The following DEPDC1B variants were observed in gnomAD, a reference collection of about 807,000 sequenced individuals.
The protein encoded by DEPDC1B is DEP domain-containing protein 1B.
A neutral mutation model predicts 66.5 loss-of-function variants in DEPDC1B; 51 were observed. The ratio of observed to expected loss-of-function variants is 0.77; its 90% CI spans 0.61 to 0.97. The LOEUF (loss-of-function observed/expected upper bound fraction) is 0.97, where lower values mean the gene tolerates loss of function less well. DEPDC1B is among the 50% of genes least tolerant of loss of function. The pLI is 0.00. For missense variants in DEPDC1B, 552 were observed against 637.1 expected, an observed-to-expected ratio of 0.87 and a Z score of 1.44; for synonymous variants, 226 against 223.6, an observed-to-expected ratio of 1.01 and a Z score of -0.10.
intron 2 of DEPDC1B, among the ~76,000 whole-genome samples, chr5:60,648,873 A>C (rs1175668158): frequency 2.6e-5 from 4 of 152,228 alleles, no homozygotes; most frequent in African/African-American, 9.6e-5. Context: ...GGTGGCTTAT[A>C]AAAGTCCAAT....
intron 9 of DEPDC1B, among the ~76,000 whole-genome samples, chr5:60,601,641 A>G (rs1241815547): frequency 2.0e-5 from 3 of 152,186 alleles, no homozygotes; most frequent in African/African-American, 7.2e-5. Context: ...AAAACAATCT[A>G]AATACCAACC....
chr5:60,645,582 A>G lies in DEPDC1B; in HGVS notation c.488T>C (p.Ile163Thr), dbSNP rs374925124. Residue 163 changes from isoleucine (I) to threonine (T), a missense_variant, in exon 4 of 11, where the codon ATT (isoleucine) becomes ACT (threonine). Physicochemically the swap from Ile to Thr is moderately conservative, Grantham distance 89. Coordinates refer to ENST00000265036, the MANE Select transcript of DEPDC1B (RefSeq NM_018369.3). Reference protein sequence around the residue: ...EMWYKRHSIAIGEVPACRLVH... With the variant: ...EMWYKRHSIATGEVPACRLVH... ...AAGACGGCAAGCTGGCACCTCTCCA[A>G]TTGCAATACTGTGACGCTTGTACCA... 9 of 1,613,130 alleles carry G rather than the reference A, an allele frequency of 5.6e-6. No homozygotes were observed. Among genetic ancestry groups the G allele is most frequent in the Middle Eastern group, 3.3e-4 (2 of 6,050 alleles).
rs565753304 is a variant in DEPDC1B, at chr5:60,613,435, G to A, written c.899-7579C>T. On this transcript the variant is annotated intron_variant, in intron 7 of 10. Transcript: ENST00000265036. ...AAAGAGCATAAAATGTTCTAGGACT[G>A]TGCTAAGATCTGAGAATCCCAAAAC... 1.9e-4 allele frequency among the ~76,000 whole-genome samples: 29 copies of A among 152,304 alleles called. No individual in the cohort carries two copies. In the South Asian group the frequency reaches 4.3e-3, roughly 23 times the overall value.
chr5:60,699,359 C>G (rs1406962483), intron 1 of DEPDC1B, among the ~76,000 whole-genome samples: 1 of 38,940 alleles, frequency 2.6e-5, no homozygotes, highest in Non-Finnish European at 5.9e-5. Flanking sequence ...TAAAAACTTG[C>G]CACAGACATT....
At chr5:60,598,829 T>C (rs1752146088) in intron 10 of DEPDC1B, among the ~76,000 whole-genome samples, 1 of 152,074 alleles carries the variant, frequency 6.6e-6, no homozygotes. Flanking sequence ...AAAGGACAAA[T>C]ATTAGAGAAT....
At chr5:60,608,436 A>ATATAT (rs367860548) in intron 7 of DEPDC1B, among the ~76,000 whole-genome samples, 16 of 148,500 alleles carry the variant, frequency 1.1e-4, no homozygotes, top group South Asian at 6.3e-4. Context: ...TCAATAGACT[A>ATATAT]TATATTATAT....
chr5:60,645,517 T>C lies in DEPDC1B; in HGVS notation c.553A>G (p.Ile185Val), dbSNP rs1439874096. 3 of 1,611,460 alleles carry C rather than the reference T, an allele frequency of 1.9e-6. No individual in the cohort carries two copies. The highest frequency in any genetic ancestry group is 2.5e-6 in the Non-Finnish European group (3 of 1,178,928). Residue 185 changes from isoleucine to valine, a missense_variant, in exon 4 of 11, where the codon ATA (isoleucine) becomes GTA (valine). By Grantham distance (29) the Ile-to-Val change is conservative (BLOSUM62 3). Coordinates refer to ENST00000265036, the MANE Select transcript of DEPDC1B (RefSeq NM_018369.3). ...TATGATAATGTCATAGACTTCCATA[T>C]CTCTTCTACATTGGCCTCTGTCAGC... is the stretch of plus-strand genomic sequence containing the variant. Reference protein sequence around the residue: ...RQLTEANVEEIWKSMTLSYLQ... With the variant: ...RQLTEANVEEVWKSMTLSYLQ...
chr5:60,664,147 T>C (rs1292628957), intron 2 of DEPDC1B, among the ~76,000 whole-genome samples: 2 of 152,224 alleles, frequency 1.3e-5, no homozygotes, highest in Non-Finnish European at 2.9e-5. Context: ...AGTGTTAAGC[T>C]TGCCAACGGG....
chr5:60,622,201 C>G (rs565833620), intron 7 of DEPDC1B, among the ~76,000 whole-genome samples: 21 of 152,222 alleles, frequency 1.4e-4, no homozygotes, highest in East Asian at 3.9e-4. Context: ...TTCCGCCCCC[C>G]CAAAGAATCT....
intron 7 of DEPDC1B, among the ~76,000 whole-genome samples, chr5:60,637,128 G>T (rs529519908): frequency 5.9e-5 from 9 of 152,088 alleles, no homozygotes; most frequent in Non-Finnish European, 1.3e-4. Context: ...CTCTTATTTT[G>T]CCAGTGGCAT....
At chr5:60,602,841 G>T (rs1379633706) in intron 9 of DEPDC1B, among the ~76,000 whole-genome samples, 3 of 152,182 alleles carry the variant, frequency 2.0e-5, no homozygotes. Context: ...ACGACAGAAA[G>T]GATACAGCTA....
intron 7 of DEPDC1B, among the ~76,000 whole-genome samples, chr5:60,618,888 A>G (rs1415648009): frequency 6.6e-6 from 1 of 152,236 alleles, no homozygotes; most frequent in Admixed American, 6.5e-5. Flanking sequence ...ACAAATCCTC[A>G]ATAAAGTACT....
At chr5:60,608,343 G>A (rs1215325858) in intron 7 of DEPDC1B, among the ~76,000 whole-genome samples, 1 of 151,720 alleles carries the variant, frequency 6.6e-6, no homozygotes, top group Admixed American at 6.6e-5. Context: ...CAAGCTAACC[G>A]AAAGCATAAT....
intron 7 of DEPDC1B, among the ~76,000 whole-genome samples, chr5:60,609,288 C>T (rs1752370397): frequency 6.6e-6 from 1 of 152,146 alleles, no homozygotes; most frequent in Non-Finnish European, 1.5e-5. Flanking sequence ...CAGGGCCTCC[C>T]TTTTCCTCCC....
chr5:60,637,551 C>G (rs1233897429), intron 7 of DEPDC1B, among the ~76,000 whole-genome samples: 1 of 152,186 alleles, frequency 6.6e-6, no homozygotes, highest in Non-Finnish European at 1.5e-5. Context: ...AATGCAATTC[C>G]TAATACAGTT....
At chr5:60,661,746 C>G (rs1753720724) in intron 2 of DEPDC1B, among the ~76,000 whole-genome samples, 1 of 152,162 alleles carries the variant, frequency 6.6e-6, no homozygotes, top group African/African-American at 2.4e-5. Context: ...TCTGGTATCT[C>G]AGTCAGGTCA....
intron 7 of DEPDC1B, among the ~76,000 whole-genome samples, chr5:60,611,811 CTG>C (rs1752419042): frequency 6.6e-6 from 1 of 152,182 alleles, no homozygotes; most frequent in Admixed American, 6.5e-5. Flanking sequence ...AGGAAAGAGG[CTG>C]TCTTCATAAC....
intron 7 of DEPDC1B, among the ~76,000 whole-genome samples, chr5:60,616,592 GAATA>G (rs1325719368): frequency 6.6e-6 from 1 of 152,106 alleles, no homozygotes; most frequent in East Asian, 1.9e-4. Flanking sequence ...ACAGAAAAAA[GAATA>G]AAAAGAAACG....
chr5:60,692,171 CAGA>C (rs1159196611), intron 1 of DEPDC1B, among the ~76,000 whole-genome samples: 3 of 152,020 alleles, frequency 2.0e-5, no homozygotes, highest in African/African-American at 7.2e-5. Context: ...TGGTGGTAAC[CAGA>C]GGCTGAGGGG....
Sources: gnomAD v4.1 joint callset for allele counts (sites outside exome capture counted in the v4.1 genomes callset) on GRCh38, gnomAD v4.1.1 for gene constraint, MANE v1.5 for transcripts, NCBI Gene and HGNC (gene_info 2026-07-23, HGNC 2026-07-21) for gene names.